NELL1: variants seen among roughly 807,000 people sequenced by gnomAD.
NELL1 encodes protein kinase C-binding protein NELL1.
Under a neutral mutation model 107.4 loss-of-function variants are expected in NELL1, and 76 were observed. That is an observed-to-expected ratio of 0.71 (90% CI 0.59 to 0.86). The LOEUF is 0.86. Among genes scored for constraint, NELL1 ranks in the 40% least tolerant of loss-of-function variants. The probability of loss-of-function intolerance (pLI) is 0.00; values close to 1 mark genes in which losing one functional copy is unlikely to be tolerated. For synonymous variants in NELL1, 353 were observed against 341.2 expected (o/e 1.03, Z -0.38); for missense variants, 1,024 against 1,005.5 (o/e 1.02, Z -0.25).
intron 3 of NELL1, among the ~76,000 whole-genome samples, chr11:20,789,352 G>A (rs1857031027): frequency 6.6e-6 from 1 of 152,190 alleles, no homozygotes; most frequent in African/African-American, 2.4e-5. Context: ...GTACCGGCAG[G>A]GTTACCAACT....
chr11:21,272,362 G>A (rs578259687), intron 14 of NELL1, among the ~76,000 whole-genome samples: 18 of 152,294 alleles, frequency 1.2e-4, no homozygotes, highest in African/African-American at 3.6e-4. Flanking sequence ...GGGAGGGGGC[G>A]CCTGCCATTG....
At chr11:21,266,808 A>G (rs1454676576) in intron 14 of NELL1, among the ~76,000 whole-genome samples, 1 of 151,990 alleles carries the variant, frequency 6.6e-6, no homozygotes, top group African/African-American at 2.4e-5. Flanking sequence ...GAATTGTTAT[A>G]AGGATTTGTG....
intron 15 of NELL1, among the ~76,000 whole-genome samples, chr11:21,498,401 A>T (rs1012807091): frequency 1.2e-4 from 18 of 149,020 alleles, no homozygotes; most frequent in Non-Finnish European, 2.2e-4. Flanking sequence ...TTTAAATTTT[A>T]TAAATAAGTA....
chr11:21,041,831 G>A (rs1380966365), intron 12 of NELL1, among the ~76,000 whole-genome samples: 2 of 152,110 alleles, frequency 1.3e-5, no homozygotes, highest in Non-Finnish European at 2.9e-5. Context: ...AACTACAGTC[G>A]AATACAATTC....
chr11:21,396,124 A>T (rs1421247248), intron 15 of NELL1, among the ~76,000 whole-genome samples: 1 of 151,530 alleles, frequency 6.6e-6, no homozygotes, highest in African/African-American at 2.4e-5. Context: ...TCATCAAAGC[A>T]TCAATAATTG....
In NELL1 at chr11:21,091,383, T is replaced by A. The variant is rs183008592; in HGVS notation, c.1301-22206T>A. 8.3e-3 allele frequency among the ~76,000 whole-genome samples: 1,259 copies of A among 152,340 alleles called. 39 individuals carry two copies. The South Asian group carries it at 0.098, about 12-fold the overall frequency. ...AGAACGGGGACTCAGCGAATAAAGT[T>A]ATTTCTAAGCCAACAGCGAATGCAT... On this transcript the variant is annotated intron_variant, in intron 12 of 19. Coordinates refer to ENST00000357134, the MANE Select transcript of NELL1 (RefSeq NM_006157.5).
chr11:21,407,835 TA>T (rs529136358), intron 15 of NELL1, among the ~76,000 whole-genome samples: 1 of 151,772 alleles, frequency 6.6e-6, no homozygotes, highest in African/African-American at 2.4e-5. Flanking sequence ...ATCCTTTATC[TA>T]AAAAAAATTT....
At chr11:20,841,513 A>G (rs4923099) in intron 3 of NELL1, among the ~76,000 whole-genome samples, 52,696 of 151,890 alleles carry the variant, frequency 0.35, 10,655 homozygotes, top group African/African-American at 0.56. Flanking sequence ...GAATGCTGAC[A>G]TAATATCAGG....
intron 16 of NELL1, among the ~76,000 whole-genome samples, chr11:21,552,645 G>C (rs1383798787): frequency 6.6e-6 from 1 of 151,754 alleles, no homozygotes; most frequent in Admixed American, 6.6e-5. Flanking sequence ...TTTCAAATTA[G>C]GGGGCAGCCC....
intron 13 of NELL1, among the ~76,000 whole-genome samples, chr11:21,183,052 A>T (rs1051228053): frequency 6.6e-6 from 1 of 151,912 alleles, no homozygotes; most frequent in Non-Finnish European, 1.5e-5. Flanking sequence ...TGGCAAAATA[A>T]AGATGTGGTG....
chr11:21,328,549 C>T (rs1850199304), intron 14 of NELL1, among the ~76,000 whole-genome samples: 1 of 152,156 alleles, frequency 6.6e-6, no homozygotes. Context: ...CACTGGGGCA[C>T]TGCCTGGTGG....
intron 12 of NELL1, among the ~76,000 whole-genome samples, chr11:20,975,609 T>TAC (rs72225341): frequency 7.5e-6 from 1 of 133,258 alleles, no homozygotes; most frequent in Non-Finnish European, 1.6e-5. Context: ...GTATTATATA[T>TAC]ACACATATGT....
chr11:20,967,400 C>A (rs1261400297), intron 12 of NELL1, among the ~76,000 whole-genome samples: 1 of 152,034 alleles, frequency 6.6e-6, no homozygotes, highest in East Asian at 1.9e-4. Flanking sequence ...ACATCATGAT[C>A]TATGTAGCAC....
chr11:21,159,753 A>G (rs1311117608), intron 13 of NELL1, among the ~76,000 whole-genome samples: 1 of 152,240 alleles, frequency 6.6e-6, no homozygotes, highest in Non-Finnish European at 1.5e-5. Flanking sequence ...ATAAATGTCA[A>G]AAAGTGAGAA....
rs1850448425 is a variant in NELL1 at position 21,337,765 on chromosome 11, T to TTTCTTTCC, written c.1550-33081_1550-33080insCTTCTTTC. Reference sequence around the variant, plus strand: ...CTTTCTTTCTTTCTTTCTTTCTTTCTTTCTTTCTTTCTTTCTTTCTTTCTT... The same window carrying TTTCTTTCC: ...CTTTCTTTCTTTCTTTCTTTCTTTCTTTCTTTCCTTCTTTCTTTCTTTCTTTCTTTCTT... On this transcript the variant is annotated intron_variant, in intron 14 of 19. Coordinates refer to ENST00000357134, the MANE Select transcript of NELL1 (RefSeq NM_006157.5). 2.1e-5 allele frequency among the ~76,000 whole-genome samples: 3 copies of TTTCTTTCC among 144,562 alleles called. No individual in the cohort carries two copies. The East Asian group carries it at 6.1e-4, about 30-fold the overall frequency. 94.8% of individuals were successfully genotyped at this position (144,562 alleles called of 152,430 possible). A position where few individuals can be genotyped will look rare whatever the true frequency, so the allele number is the denominator to read the frequency against.
intron 2 of NELL1, among the ~76,000 whole-genome samples, chr11:20,776,471 A>G (rs1590283344): frequency 6.6e-6 from 1 of 151,746 alleles, no homozygotes; most frequent in Non-Finnish European, 1.5e-5. Flanking sequence ...AAAATAAAAT[A>G]AAATTTTATA....
intron 3 of NELL1, among the ~76,000 whole-genome samples, chr11:20,826,540 C>G (rs1478724872): frequency 2.0e-5 from 3 of 151,278 alleles, no homozygotes; most frequent in African/African-American, 7.3e-5. Flanking sequence ...AGCTGGCATT[C>G]TCTGCCTCCA....
intron 2 of NELL1, among the ~76,000 whole-genome samples, chr11:20,746,566 TCACACACACACACA>T (rs10556247): frequency 0.046 from 6,820 of 149,336 alleles, 260 homozygotes; most frequent in South Asian, 0.18. Flanking sequence ...GTGACAGATT[TCACACACACACACA>T]CACACACACA....
rs114350064 is a variant in NELL1 at position 21,154,846 on chromosome 11, C to T, written c.1426+41132C>T. 3.9e-3 allele frequency among the ~76,000 whole-genome samples: 591 copies of T among 152,156 alleles called. 1 individual carries two copies. Among genetic ancestry groups the T allele is most frequent in the African/African-American group, 0.013 (548 of 41,514 alleles). The stretch of plus-strand genomic sequence containing the variant: ...TGTAGAATTCTATGTTGTTAGTACA[C>T]AAAATGTGAAAGAAGGACGTGATGA... On this transcript the variant is annotated intron_variant, in intron 13 of 19. Transcript: ENST00000357134.
Sources: allele counts gnomAD v4.1 joint callset (sites outside exome capture counted in the v4.1 genomes callset), GRCh38; gene constraint gnomAD v4.1.1; transcripts MANE v1.5; gene names NCBI Gene and HGNC (gene_info 2026-07-23, HGNC 2026-07-21).